The following SLC12A8 variants were observed in gnomAD, a reference collection of about 807,000 sequenced individuals.
SLC12A8 encodes the protein cation-chloride cotransporter 9.
A neutral mutation model predicts 75.6 loss-of-function variants in SLC12A8; 69 were observed. The observed-to-expected ratio is 0.91, with a 90% confidence interval of 0.75 to 1.11. The LOEUF (loss-of-function observed/expected upper bound fraction) is 1.11, where lower values mean the gene tolerates loss of function less well. SLC12A8 is among the 50% of genes most tolerant of loss of function. The probability of loss-of-function intolerance (pLI) is 0.00; values close to 1 mark genes in which losing one functional copy is unlikely to be tolerated. For synonymous variants in SLC12A8, 365 were observed against 372.8 expected, an observed-to-expected ratio of 0.98 and a Z score of 0.24; for missense variants, 877 against 896.7, an observed-to-expected ratio of 0.98 and a Z score of 0.28.
intron 4 of SLC12A8, among the ~76,000 whole-genome samples, chr3:125,183,027 T>G (rs1022671643): frequency 1.3e-5 from 2 of 152,094 alleles, no homozygotes; most frequent in Non-Finnish European, 2.9e-5. Context: ...AGCAAACATA[T>G]TAAAAGTACC....
At chr3:125,173,832 T>C (rs1470429963) in intron 5 of SLC12A8, among the ~76,000 whole-genome samples, 1 of 152,236 alleles carries the variant, frequency 6.6e-6, no homozygotes, top group Non-Finnish European at 1.5e-5. Flanking sequence ...GGCTCACGCC[T>C]ATAATCCCAG....
intron 10 of SLC12A8, among the ~76,000 whole-genome samples, chr3:125,100,787 G>A (rs1393417757): frequency 1.3e-4 from 19 of 149,100 alleles, no homozygotes; most frequent in Admixed American, 5.3e-4. Context: ...GCCGAGGTGG[G>A]TGGATCATGA....
chr3:125,122,944 T>C (rs149799588), intron 6 of SLC12A8, among the ~76,000 whole-genome samples: 92 of 152,036 alleles, frequency 6.1e-4, no homozygotes, highest in African/African-American at 2.1e-3. Context: ...CAAGGTGCTA[T>C]GAAAAAAAAT....
At chr3:125,126,946 T>C (rs1933224793) in intron 6 of SLC12A8, among the ~76,000 whole-genome samples, 1 of 152,248 alleles carries the variant, frequency 6.6e-6, no homozygotes, top group Admixed American at 6.5e-5. Flanking sequence ...AATGTGGCTC[T>C]GAGCCCTGCT....
At chr3:125,176,508 A>C (rs1222472722) in intron 5 of SLC12A8, among the ~76,000 whole-genome samples, 1 of 152,256 alleles carries the variant, frequency 6.6e-6, no homozygotes, top group African/African-American at 2.4e-5. Flanking sequence ...TCTGCACAGC[A>C]AAAGAAACCA....
At chr3:125,194,066 T>C (rs1023000052) in intron 2 of SLC12A8, among the ~76,000 whole-genome samples, 4 of 152,080 alleles carry the variant, frequency 2.6e-5, no homozygotes, top group Admixed American at 2.0e-4. Flanking sequence ...TACAGCAAAG[T>C]AGAGATAGAG....
Position 125,107,995 on chromosome 3 carries a change from T to A in SLC12A8, c.1191A>T (p.Ala397=). 2 of 1,614,158 alleles carry A rather than the reference T, an allele frequency of 1.2e-6. No individual in the cohort carries two copies. The highest frequency in any genetic ancestry group is 1.7e-6 in the Non-Finnish European group (2 of 1,180,006). Residue 397 remains alanine (A), a synonymous_variant, in exon 10 of 14, where the codon GCA becomes GCT. Coordinates refer to ENST00000469902, the MANE Select transcript of SLC12A8 (RefSeq NM_024628.6). ...VTINFMLTYV[A]VDYSYFSLSM... ...ACAGGGAGAAGTAAGAGTAGTCCAC[T>A]GCAACGTATGTCAGCATGAAGTTGA...
In SLC12A8 at chr3:125,107,617, C is replaced by A. The variant is rs767514672; in HGVS notation, c.1569G>T (p.Leu523Phe). 3 of 1,614,088 alleles carry A rather than the reference C, an allele frequency of 1.9e-6. No individual in the cohort carries two copies. The highest frequency in any genetic ancestry group is 2.2e-5 in the East Asian group (1 of 44,900). Residue 523 changes from leucine (L) to phenylalanine (F), a missense_variant, in exon 10 of 14, where the codon TTG becomes TTT. Physicochemically the swap from Leu to Phe is conservative, Grantham distance 22. Transcript: ENST00000469902. ...CCTGCCCCTCCCAGGAGGCAGCGGGCAACCTGTCAGAGATCTCGACAGGGA... is the reference window on the plus strand; with the variant it reads ...CCTGCCCCTCCCAGGAGGCAGCGGGAAACCTGTCAGAGATCTCGACAGGGA... The part of the protein sequence containing the change: ...PSFPVEISDR[L>F]PAASWEGQES...
chr3:125,092,043 CAT>C (rs1938592598), intron 11 of SLC12A8, 56 bp downstream of exon 11: 3 of 1,236,580 alleles, frequency 2.4e-6, no homozygotes, highest in Non-Finnish European at 3.5e-6. Flanking sequence ...CAAGATCACA[CAT>C]GTGTCCACCT....
intron 6 of SLC12A8, among the ~76,000 whole-genome samples, chr3:125,126,728 T>G (rs1933218253): frequency 6.6e-6 from 1 of 152,254 alleles, no homozygotes; most frequent in Non-Finnish European, 1.5e-5. Context: ...TCCTGGGGAC[T>G]TTTCAATCCA....
chr3:125,173,361 A>G (rs1232342576), intron 5 of SLC12A8, among the ~76,000 whole-genome samples: 1 of 150,922 alleles, frequency 6.6e-6, no homozygotes, highest in Non-Finnish European at 1.5e-5. Context: ...AATACAGTCA[A>G]CTGATATTTG....
intron 6 of SLC12A8, among the ~76,000 whole-genome samples, chr3:125,124,659 C>T (rs1933152288): frequency 6.6e-6 from 1 of 152,192 alleles, no homozygotes; most frequent in African/African-American, 2.4e-5. Context: ...CACACTGTGG[C>T]TGTCATTTCC....
intron 10 of SLC12A8, among the ~76,000 whole-genome samples, chr3:125,100,886 G>A (rs1355224946): frequency 6.1e-4 from 91 of 148,902 alleles, no homozygotes; most frequent in African/African-American, 2.1e-3. Flanking sequence ...GGTGGCGGGC[G>A]CCTGTAGTCC....
rs11714448 is a variant in SLC12A8 at position 125,110,213 on chromosome 3, A to G, written c.1035T>C (p.Pro345=). 42,348 of 1,613,792 alleles carry G rather than the reference A, an allele frequency of 0.026. 650 individuals are homozygous for G. Among genetic ancestry groups the G allele is most frequent in the Non-Finnish European group, 0.031 (37,040 of 1,179,732 alleles). The change falls in exon 9 of 14, where the codon CCT becomes CCC. Residue 345 remains proline, a synonymous_variant. Transcript: ENST00000469902. ...LQCIAQEKVI[P]ALACLGQGKG... is the part of the protein sequence containing the mutation. ...CCCCTTGTCCCAGACAGGCAAGTGCAGGGATCACTTTCTCCTGGGCAATGC... is the reference window on the plus strand; with the variant it reads ...CCCCTTGTCCCAGACAGGCAAGTGCGGGGATCACTTTCTCCTGGGCAATGC...
At chr3:125,132,453 G>A (rs1243849724) in intron 6 of SLC12A8, among the ~76,000 whole-genome samples, 1 of 152,164 alleles carries the variant, frequency 6.6e-6, no homozygotes, top group Non-Finnish European at 1.5e-5. Context: ...GTAGACATAA[G>A]GAGAAGTAGA....
intron 6 of SLC12A8, among the ~76,000 whole-genome samples, chr3:125,134,276 T>TA (rs1421656085): frequency 1.3e-5 from 2 of 151,668 alleles, no homozygotes; most frequent in African/African-American, 4.8e-5. Flanking sequence ...TAATTTTTTT[T>TA]TATATATATT....
intron 6 of SLC12A8, among the ~76,000 whole-genome samples, chr3:125,129,210 C>T (rs964775868): frequency 1.4e-4 from 22 of 152,188 alleles, no homozygotes; most frequent in African/African-American, 5.3e-4. Context: ...GACTGATATT[C>T]TTTTCAGTGA....
At chr3:125,139,508 C>T (rs559064749) in intron 5 of SLC12A8, among the ~76,000 whole-genome samples, 24 of 152,348 alleles carry the variant, frequency 1.6e-4, no homozygotes, top group African/African-American at 5.3e-4. Context: ...CCCCACCTCA[C>T]GGTCCCCTGT....
chr3:125,114,585 T>C (rs1939262396), intron 8 of SLC12A8, among the ~76,000 whole-genome samples: 1 of 152,162 alleles, frequency 6.6e-6, no homozygotes, highest in African/African-American at 2.4e-5. Context: ...CCACCACGCC[T>C]GGCATATTTT....
Sources: allele counts gnomAD v4.1 joint callset (sites outside exome capture counted in the v4.1 genomes callset), GRCh38; gene constraint gnomAD v4.1.1; transcripts MANE v1.5; gene names NCBI Gene and HGNC (gene_info 2026-07-23, HGNC 2026-07-21).